Variants in CALCOCO2 observed in about 807,000 individuals in gnomAD.
The protein encoded by CALCOCO2 is calcium binding and coiled-coil domain 2.
In CALCOCO2, 42 loss-of-function variants were observed where a neutral mutation model predicts 62.5. The observed-to-expected ratio is 0.67, with a 90% CI of 0.53 to 0.87. The LOEUF is 0.87. Ranked by LOEUF, CALCOCO2 falls within the 40% of genes least tolerant of loss-of-function variation. The probability of loss-of-function intolerance (pLI) is 0.00; values close to 1 mark genes in which losing one functional copy is unlikely to be tolerated. For synonymous variants in CALCOCO2, 167 were observed against 173.0 expected (o/e 0.97, Z 0.27); for missense variants, 456 against 515.0 (o/e 0.89, Z 1.11).
chr17:48,833,482 GGTT>G (rs1462522822), intron 1 of CALCOCO2, among the ~76,000 whole-genome samples: 1 of 151,232 alleles, frequency 6.6e-6, no homozygotes, highest in Non-Finnish European at 1.5e-5. Context: ...AGGAGACAGA[GGTT>G]GTGGTGAGCT....
At chr17:48,834,190 C>G (rs563642338) in intron 1 of CALCOCO2, among the ~76,000 whole-genome samples, 1 of 147,402 alleles carries the variant, frequency 6.8e-6, no homozygotes, top group Admixed American at 6.8e-5. Context: ...ATAAGAGGAT[C>G]TATGTCCTCA....
chr17:48,856,222 T>C, intron 10 of CALCOCO2, 35 bp downstream of exon 10: 1 of 1,224,744 alleles, frequency 8.2e-7, no homozygotes, highest in Admixed American at 1.8e-5. Flanking sequence ...AACCCCAAGG[T>C]TTTAAGGGGA....
At chr17:48,859,955 G>A (rs973539735) in intron 10 of CALCOCO2, among the ~76,000 whole-genome samples, 11 of 152,048 alleles carry the variant, frequency 7.2e-5, no homozygotes, top group East Asian at 1.9e-4. Flanking sequence ...TTAGCTAGGC[G>A]TGGTAGTGGG....
chr17:48,848,504 A>G (rs1355801363), intron 4 of CALCOCO2, 49 bp downstream of exon 4: 3 of 1,550,228 alleles, frequency 1.9e-6, no homozygotes, highest in East Asian at 2.2e-5. Context: ...ACGGGTAGCA[A>G]TATAGGATAG....
chr17:48,853,339 G>T (rs1019954485), intron 9 of CALCOCO2: 7 of 195,864 alleles, frequency 3.6e-5, no homozygotes, highest in South Asian at 1.2e-4. Context: ...CAAATGAATG[G>T]TTATAAAGGG....
At chr17:48,846,146 T>A (rs1427904076) in intron 2 of CALCOCO2, 1 of 942,248 alleles carries the variant, frequency 1.1e-6, no homozygotes, top group East Asian at 2.8e-5. Context: ...TTAAAATTTA[T>A]TTTATTTTGA....
rs940328471 is a variant in CALCOCO2, at chr17:48,864,325, A to G, written c.*1320A>G. 6 of 153,688 alleles carry G rather than the reference A, an allele frequency of 3.9e-5. No individual in the cohort carries two copies. The highest frequency in any genetic ancestry group is 8.8e-5 in the Non-Finnish European group (6 of 68,158). The allele number at this position is 153,688 out of a possible 1,614,324, so 9.5% of individuals were successfully genotyped here. A position where few individuals can be genotyped will look rare whatever the true frequency, so the allele number is the denominator to read the frequency against. Reference sequence around the variant, plus strand: ...GTGATCTGTCCACTTCAGCCGTCCAAAGTGCTGGGATTACAAGCGTGAGCC... The same window carrying G: ...GTGATCTGTCCACTTCAGCCGTCCAGAGTGCTGGGATTACAAGCGTGAGCC... On this transcript the variant is annotated 3_prime_UTR_variant, in exon 13 of 13. Coordinates refer to ENST00000258947, the MANE Select transcript of CALCOCO2 (RefSeq NM_005831.5).
intron 11 of CALCOCO2, 142 bp from the exon 12 acceptor site, chr17:48,862,134 G>A (rs978023522): frequency 8.4e-5 from 61 of 723,646 alleles, no homozygotes; most frequent in East Asian, 8.3e-4. Context: ...AGAAGTAACG[G>A]TATATATATG....
At chr17:48,851,432 A>G in intron 6 of CALCOCO2, 127 bp from the exon 7 acceptor site, 1 of 674,808 alleles carries the variant, frequency 1.5e-6, no homozygotes. Context: ...CAGGACTGCA[A>G]TGGAGACTAG....
At chr17:48,834,976 G>A (rs1309226291) in intron 1 of CALCOCO2, among the ~76,000 whole-genome samples, 2 of 152,080 alleles carry the variant, frequency 1.3e-5, no homozygotes, top group Admixed American at 6.6e-5. Context: ...AGCCTGGGAG[G>A]TTGAGGCTGC....
intron 9 of CALCOCO2, among the ~76,000 whole-genome samples, chr17:48,854,969 AG>A (rs1202124349): frequency 6.6e-6 from 1 of 152,164 alleles, no homozygotes; most frequent in Non-Finnish European, 1.5e-5. Context: ...CTTCACAAAC[AG>A]ATCAGCCAAC....
chr17:48,843,807 A>C (rs2040007363), intron 2 of CALCOCO2: 1 of 152,236 alleles, frequency 6.6e-6, no homozygotes, highest in African/African-American at 2.4e-5. Flanking sequence ...ACTGTCTAGT[A>C]CAGCTGCTAC....
intron 10 of CALCOCO2, among the ~76,000 whole-genome samples, chr17:48,857,887 A>G (rs1193873639): frequency 6.7e-6 from 1 of 149,356 alleles, no homozygotes; most frequent in African/African-American, 2.5e-5. Context: ...TGAGGCAGGA[A>G]AATGGCGTGA....
At chr17:48,862,739 C>T in intron 12 of CALCOCO2, 99 bp from the exon 13 acceptor site, 2 of 922,132 alleles carry the variant, frequency 2.2e-6, no homozygotes, top group South Asian at 1.4e-5. Flanking sequence ...ATGTGCCAGT[C>T]ATTATGCTAG....
chr17:48,852,561 A>C lies in CALCOCO2; in HGVS notation c.758A>C (p.Asp253Ala). The C allele has an allele frequency of 6.2e-7, 1 of 1,613,374 alleles. No individual in the cohort carries two copies. The change falls in exon 8 of 13, where the codon GAT becomes GCT. Residue 253 changes from aspartate (D) to alanine (A), a missense_variant. Physicochemically the swap from Asp to Ala is moderately radical, Grantham distance 126 (BLOSUM62 -2). This residue lies in a region of CALCOCO2 where 236 missense variants were observed against 225.3 expected (regional missense o/e 1.05). Coordinates refer to ENST00000258947, the MANE Select transcript of CALCOCO2 (RefSeq NM_005831.5). ...GAGAAGCTTGTTCAGGGAGATCAAG[A>C]TAAGACAGAGCAGTTAGAGCAGCTG... is the stretch of plus-strand genomic sequence containing the variant. ...EMEKLVQGDQ[D>A]KTEQLEQLKK...
chr17:48,838,421 A>C (rs894840654), intron 1 of CALCOCO2, among the ~76,000 whole-genome samples: 7 of 152,010 alleles, frequency 4.6e-5, no homozygotes, highest in Non-Finnish European at 1.0e-4. Flanking sequence ...ATTGGGCATA[A>C]GACAACATGA....
intron 11 of CALCOCO2, among the ~76,000 whole-genome samples, chr17:48,861,473 C>T (rs1242824571): frequency 1.3e-5 from 2 of 151,890 alleles, no homozygotes; most frequent in Non-Finnish European, 2.9e-5. Context: ...ACCTCAGCCT[C>T]CCAAAGTGCT....
At chr17:48,850,895 G>A in intron 5 of CALCOCO2, 194 bp from the exon 6 acceptor site, 2 of 374,250 alleles carry the variant, frequency 5.3e-6, no homozygotes, top group East Asian at 1.1e-4. Flanking sequence ...TCCAGCCTGG[G>A]CAATAGAGTG....
At chr17:48,836,097 C>T (rs1397390033) in intron 1 of CALCOCO2, among the ~76,000 whole-genome samples, 1 of 152,168 alleles carries the variant, frequency 6.6e-6, no homozygotes, top group Non-Finnish European at 1.5e-5. Context: ...TACCAAGCTA[C>T]CCCATGCCCT....
Sources: allele counts gnomAD v4.1 joint callset (sites outside exome capture counted in the v4.1 genomes callset), GRCh38; gene constraint gnomAD v4.1.1; regional missense constraint gnomAD v4.1.1; transcripts MANE v1.5; gene names NCBI Gene and HGNC (gene_info 2026-07-23, HGNC 2026-07-21).